KSR2: variants seen among roughly 807,000 people sequenced by gnomAD.
KSR2 encodes kinase suppressor of ras 2.
A neutral mutation model predicts 107.8 loss-of-function variants in KSR2; 25 were observed. That is an observed-to-expected ratio of 0.23 (90% confidence interval 0.17 to 0.32). KSR2 has a LOEUF of 0.32. Ranked by LOEUF, KSR2 falls within the 10% of genes least tolerant of loss-of-function variation. The pLI, the probability that KSR2 is intolerant of heterozygous loss-of-function variation, is 1.00. For missense variants in KSR2, 887 were observed against 1,268.9 expected (o/e 0.70, Z 4.57); for synonymous variants, 480 against 507.0 (o/e 0.95, Z 0.71).
At chr12:117,951,892 A>G (rs1354309535) in intron 1 of KSR2, among the ~76,000 whole-genome samples, 2 of 152,162 alleles carry the variant, frequency 1.3e-5, no homozygotes, top group African/African-American at 4.8e-5. Flanking sequence ...TCATTCTGCT[A>G]AGTGAAATAA....
intron 15 of KSR2, 115 bp downstream of exon 15, chr12:117,485,480 G>T: frequency 1.3e-6 from 1 of 743,632 alleles, no homozygotes; most frequent in Non-Finnish European, 2.3e-6. Flanking sequence ...TTTAAGTCCA[G>T]ATTGGTAGTC....
chr12:117,932,068 C>A (rs1425641887), intron 1 of KSR2, among the ~76,000 whole-genome samples: 1 of 152,048 alleles, frequency 6.6e-6, no homozygotes, highest in African/African-American at 2.4e-5. Flanking sequence ...GGGTGGATCG[C>A]CTGAGGTCAG....
chr12:117,755,344 C>T (rs1311418224), intron 4 of KSR2, among the ~76,000 whole-genome samples: 2 of 152,228 alleles, frequency 1.3e-5, no homozygotes, highest in Non-Finnish European at 2.9e-5. Flanking sequence ...CTCGCTGCCA[C>T]GTTTCCAACA....
chr12:117,574,628 TC>T (rs1429967766), intron 7 of KSR2, among the ~76,000 whole-genome samples: 1 of 152,090 alleles, frequency 6.6e-6, no homozygotes, highest in Non-Finnish European at 1.5e-5. Flanking sequence ...GCCGGGTCCC[TC>T]CCACAACACG....
At position 117,786,157 on chromosome 12, in the gene KSR2, A is replaced by G. The variant is rs542522938; in HGVS notation, c.473-24633T>C. On this transcript the variant is annotated intron_variant, in intron 3 of 19. Coordinates refer to ENST00000339824, the MANE Select transcript of KSR2 (RefSeq NM_173598.6). Reference sequence around the variant, plus strand: ...TCAAGACTATGAAAGACAAGTTACTAGAACATCTTTTTTTTTGCAGATAAA... The same window carrying G: ...TCAAGACTATGAAAGACAAGTTACTGGAACATCTTTTTTTTTGCAGATAAA... 1.4e-4 allele frequency among the ~76,000 whole-genome samples: 21 copies of G among 152,296 alleles called. No individual in the cohort carries two copies. The South Asian group carries it at 4.2e-3, about 30-fold the overall frequency.
chr12:117,541,928 T>TG, intron 9 of KSR2, among the ~76,000 whole-genome samples: 1 of 152,256 alleles, frequency 6.6e-6, no homozygotes, highest in Middle Eastern at 3.4e-3. Context: ...TTCTGCGGCC[T>TG]GGGCTGGAGG....
chr12:117,587,879 G>C (rs1301160039), intron 5 of KSR2, among the ~76,000 whole-genome samples: 1 of 152,180 alleles, frequency 6.6e-6, no homozygotes, highest in Non-Finnish European at 1.5e-5. Flanking sequence ...TGGCGGTCGA[G>C]GGGAAAATAG....
chr12:117,512,726 A>G (rs1266731048), intron 14 of KSR2, among the ~76,000 whole-genome samples: 1 of 41,864 alleles, frequency 2.4e-5, no homozygotes, highest in Non-Finnish European at 3.9e-5. Flanking sequence ...ATCACCTCTT[A>G]ATAGACTTAG....
chr12:117,922,803 T>C (rs1280366959), intron 1 of KSR2, among the ~76,000 whole-genome samples: 3 of 152,156 alleles, frequency 2.0e-5, no homozygotes, highest in South Asian at 4.1e-4. Flanking sequence ...GAGTGGAGAA[T>C]GGAGAATAAA....
chr12:117,923,337 C>G (rs1895403063), intron 1 of KSR2, among the ~76,000 whole-genome samples: 1 of 152,174 alleles, frequency 6.6e-6, no homozygotes, highest in Non-Finnish European at 1.5e-5. Flanking sequence ...ACCCTGTTAT[C>G]TCCCCTGCAG....
At chr12:117,855,350 C>G in intron 3 of KSR2, 78 bp downstream of exon 3, 1 of 1,535,142 alleles carries the variant, frequency 6.5e-7, no homozygotes, top group Non-Finnish European at 8.8e-7. Context: ...CCTGCAGTGG[C>G]GGGCACGGGA....
At chr12:117,687,640 G>T (rs1176365694) in intron 4 of KSR2, among the ~76,000 whole-genome samples, 1 of 152,036 alleles carries the variant, frequency 6.6e-6, no homozygotes, top group Non-Finnish European at 1.5e-5. Context: ...CTGGTTTTGT[G>T]ACCGTCTAGC....
At chr12:117,724,045 G>A (rs917321103) in intron 4 of KSR2, among the ~76,000 whole-genome samples, 1 of 151,948 alleles carries the variant, frequency 6.6e-6, no homozygotes, top group Non-Finnish European at 1.5e-5. Flanking sequence ...AGTGGCTCAC[G>A]CCTGTAATCT....
chr12:117,634,586 G>A (rs966679409), intron 5 of KSR2, among the ~76,000 whole-genome samples: 7 of 152,090 alleles, frequency 4.6e-5, no homozygotes, highest in African/African-American at 9.7e-5. Flanking sequence ...ACACACAAGC[G>A]AGGAGGAATT....
chr12:117,653,998 G>T (rs1884014788), intron 5 of KSR2, among the ~76,000 whole-genome samples: 1 of 152,192 alleles, frequency 6.6e-6, no homozygotes, highest in South Asian at 2.1e-4. Context: ...TCCCATAGGT[G>T]AATCACAGCA....
chr12:117,748,458 A>G (rs1248036783), intron 4 of KSR2, among the ~76,000 whole-genome samples: 1 of 152,216 alleles, frequency 6.6e-6, no homozygotes, highest in Non-Finnish European at 1.5e-5. Flanking sequence ...CTCATCACAA[A>G]AAAATAATAA....
In KSR2 at chr12:117,860,279, C is replaced by T. The variant is rs772712267; in HGVS notation, c.321+12G>A. 6.9e-6 allele frequency: 11 copies of T among 1,604,710 alleles called. No individual in the cohort carries two copies. In the South Asian group the frequency reaches 1.2e-4, roughly 18 times the overall value. On this transcript the variant is annotated intron_variant, in intron 2 of 19. Coordinates refer to ENST00000339824, the MANE Select transcript of KSR2 (RefSeq NM_173598.6). ...AGTAAGGGGCAGGGGACACAGGGGCCCCCCAGGTCACCTCCAGGACCTCCT... is the reference window on the plus strand; with the variant it reads ...AGTAAGGGGCAGGGGACACAGGGGCTCCCCAGGTCACCTCCAGGACCTCCT...
At chr12:117,902,317 G>A (rs929636494) in intron 1 of KSR2, among the ~76,000 whole-genome samples, 4 of 151,794 alleles carry the variant, frequency 2.6e-5, no homozygotes, top group Admixed American at 6.6e-5. Context: ...AATTAGCTGG[G>A]CGTGGTGGCG....
chr12:117,748,920 A>T (rs1888512113), intron 4 of KSR2, among the ~76,000 whole-genome samples: 1 of 151,744 alleles, frequency 6.6e-6, no homozygotes, highest in African/African-American at 2.4e-5. Context: ...TGTTACGGGG[A>T]ATGCCTCTGG....
Sources: gnomAD v4.1 joint callset for allele counts (sites outside exome capture counted in the v4.1 genomes callset) on GRCh38, gnomAD v4.1.1 for gene constraint, MANE v1.5 for transcripts, NCBI Gene and HGNC (gene_info 2026-07-23, HGNC 2026-07-21) for gene names.